Variants in RAD51AP2 observed in about 807,000 individuals in gnomAD.
RAD51AP2 encodes RAD51-associated protein 2.
Under a neutral mutation model 85.5 loss-of-function variants are expected in RAD51AP2, and 67 were observed. The ratio of observed to expected loss-of-function variants is 0.78; its 90% CI spans 0.64 to 0.96. RAD51AP2 has a LOEUF of 0.96. RAD51AP2 is among the 40% of genes least tolerant of loss of function. RAD51AP2 has a pLI of 0.00. For missense variants in RAD51AP2, 1,307 were observed against 1,332.4 expected (o/e 0.98, Z 0.30); for synonymous variants, 474 against 446.5 (o/e 1.06, Z -0.78).
At chr2:17,523,020 A>C (rs1018069875), upstream of RAD51AP2, among the ~76,000 whole-genome samples, 4 of 151,928 alleles carry the variant, frequency 2.6e-5, no homozygotes, top group Non-Finnish European at 5.9e-5. Flanking sequence ...AATCAAACTA[A>C]GTTTTTGAAT....
rs530110094 is a variant in RAD51AP2, at chr2:17,515,550, G to A, written c.2866C>T (p.Leu956=). 30 of 1,608,820 alleles carry A rather than the reference G, an allele frequency of 1.9e-5. No homozygotes were observed. In the Admixed American group the frequency reaches 3.7e-4, roughly 20 times the overall value. The change falls in exon 1 of 3, where the codon CTG becomes TTG. Residue 956 remains leucine, a synonymous_variant. Coordinates refer to ENST00000399080, the MANE Select transcript of RAD51AP2 (RefSeq NM_001099218.3). Reference sequence around the variant, plus strand: ...ATCTCAAAATCTTTTACTATTGTCAGAGCTTCTGTTGATAAATATTTAGCA... The same window carrying A: ...ATCTCAAAATCTTTTACTATTGTCAAAGCTTCTGTTGATAAATATTTAGCA... ...LAAKYLSTEA[L]TIVKDFEMKR...
In RAD51AP2 at chr2:17,517,676, T is replaced by C. The variant is rs764753858; in HGVS notation, c.740A>G (p.Lys247Arg). 1 of 1,613,546 alleles carries C rather than the reference T, an allele frequency of 6.2e-7. No individual in the cohort carries two copies. Among genetic ancestry groups the C allele is most frequent in the South Asian group, 1.1e-5 (1 of 90,804 alleles). Residue 247 changes from lysine (K) to arginine (R), a missense_variant, in exon 1 of 3, where the codon AAA becomes AGA. By Grantham distance (26) the Lys-to-Arg change is conservative (BLOSUM62 2). Transcript: ENST00000399080. ...SQNQPSLEIA[K>R]PSYFRDSGTI... ...GCCGCTATCTCTAAAATAGCTAGGTTTGGCAATTTCCAAGCTGGGCTGGTT... is the reference window on the plus strand; with the variant it reads ...GCCGCTATCTCTAAAATAGCTAGGTCTGGCAATTTCCAAGCTGGGCTGGTT...
In RAD51AP2 at chr2:17,518,153, G is replaced by C. The variant is rs577293249; in HGVS notation, c.263C>G (p.Ser88Trp). 55 of 1,614,074 alleles carry C rather than the reference G, an allele frequency of 3.4e-5. No individual in the cohort carries two copies. The South Asian group carries it at 4.3e-4, about 13-fold the overall frequency. Residue 88 changes from serine to tryptophan, a missense_variant, in exon 1 of 3, where the codon TCG becomes TGG. Around this residue, in one of 3 missense-constraint regions of RAD51AP2, gnomAD observed 635 missense variants for 643.6 expected, o/e 0.99. Transcript: ENST00000399080. ...TNAIFDNSTD[S>W]CVEKSVSGKQ... ...CCCACTGACTGATTTCTCCACACAC[G>C]AGTCTGTGGAGTTATCGAAAATAGC...
In RAD51AP2 at chr2:17,516,795, GC is replaced by G; in HGVS notation, c.1620del (p.Lys540AsnfsTer5). On this transcript the variant is annotated frameshift_variant, in exon 1 of 3. Transcript: ENST00000399080. LOFTEE classifies it high-confidence loss of function. ...LTCCNILKCK[K>X]QIGIIGIQNL... ...TTTTGAATACCAATTATACCAATTT[GC>G]TTTTTACACTTCAAAATGTTACAGC... 2 of 1,550,110 alleles carry G rather than the reference GC, an allele frequency of 1.3e-6. No individual in the cohort carries two copies. Among genetic ancestry groups the G allele is most frequent in the East Asian group, 2.3e-5 (1 of 43,988 alleles).
chr2:17,528,716 A>G, the RAD51AP2 span, among the ~76,000 whole-genome samples: 1 of 152,120 alleles, frequency 6.6e-6, no homozygotes, highest in Non-Finnish European at 1.5e-5. Context: ...GGTGGCACGC[A>G]GCTGTGGTCC....
chr2:17,533,706 G>T, the RAD51AP2 span, among the ~76,000 whole-genome samples: 1 of 152,194 alleles, frequency 6.6e-6, no homozygotes, highest in Non-Finnish European at 1.5e-5. Flanking sequence ...TTGAGGCCAG[G>T]AGTTCAAGAA....
At chr2:17,532,746 T>G in the RAD51AP2 span, among the ~76,000 whole-genome samples, 260 of 152,304 alleles carry the variant, frequency 1.7e-3, 2 homozygotes, top group South Asian at 3.3e-3. Context: ...AACACATATA[T>G]GTTCATATGC....
At chr2:17,519,566 C>T (rs143195502), upstream of RAD51AP2, among the ~76,000 whole-genome samples, 333 of 152,194 alleles carry the variant, frequency 2.2e-3, 1 homozygote, top group Middle Eastern at 3.4e-3. Context: ...ATATAACTAG[C>T]CTTCTACTTT....
At chr2:17,536,206 A>G in the RAD51AP2 span, among the ~76,000 whole-genome samples, 1 of 152,216 alleles carries the variant, frequency 6.6e-6, no homozygotes, top group African/African-American at 2.4e-5. Context: ...GCTTTAGGCA[A>G]GAAGGGTTTT....
At chr2:17,524,489 G>A in the RAD51AP2 span, among the ~76,000 whole-genome samples, 18 of 151,924 alleles carry the variant, frequency 1.2e-4, no homozygotes, top group Non-Finnish European at 5.9e-5. Flanking sequence ...GTGTCCAAAA[G>A]CTGAGTCTTA....
the RAD51AP2 span, among the ~76,000 whole-genome samples, chr2:17,531,687 C>T: frequency 6.6e-6 from 1 of 152,112 alleles, no homozygotes; most frequent in Admixed American, 6.5e-5. Flanking sequence ...ATCAGTATAC[C>T]TAATCCGATT....
At chr2:17,525,219 G>T in the RAD51AP2 span, among the ~76,000 whole-genome samples, 1 of 152,010 alleles carries the variant, frequency 6.6e-6, no homozygotes, top group East Asian at 1.9e-4. Context: ...TATCCTGAAT[G>T]TAGTATGTAT....
In RAD51AP2 at chr2:17,516,889, GA is replaced by G; in HGVS notation, c.1526del (p.Phe509SerfsTer3). 1 of 1,575,784 alleles carries G rather than the reference GA, an allele frequency of 6.3e-7. No individual in the cohort carries two copies. The highest frequency in any genetic ancestry group is 8.6e-7 in the Non-Finnish European group (1 of 1,161,610). On this transcript the variant is annotated frameshift_variant, in exon 1 of 3. Coordinates refer to ENST00000399080, the MANE Select transcript of RAD51AP2 (RefSeq NM_001099218.3). LOFTEE classifies it high-confidence loss of function. ...VFHVNNPFES[F>X]IIEIFYFHKS... ...TATGGAAATAAAAAATTTCTATAAT[GA>G]AACTTTCAAAAGGGTTGTTCACATG...
upstream of RAD51AP2, among the ~76,000 whole-genome samples, chr2:17,521,853 T>A (rs1662863719): frequency 6.6e-6 from 1 of 151,990 alleles, no homozygotes. Context: ...TCTTATATTA[T>A]CCTTAACTTT....
At chr2:17,522,491 C>T (rs1387115266), upstream of RAD51AP2, among the ~76,000 whole-genome samples, 2 of 151,788 alleles carry the variant, frequency 1.3e-5, no homozygotes, top group Admixed American at 1.3e-4. Flanking sequence ...ATTATATTTT[C>T]TGCTTACTTA....
intron 1 of RAD51AP2, among the ~76,000 whole-genome samples, chr2:17,514,708 TAC>T (rs1662596820): frequency 6.6e-6 from 1 of 152,024 alleles, no homozygotes; most frequent in South Asian, 2.1e-4. Flanking sequence ...AGGCAGAGGT[TAC>T]AGTGAGCCGA....
chr2:17,513,867 T>C (rs1355890645), intron 2 of RAD51AP2, 145 bp downstream of exon 2: 1 of 527,920 alleles, frequency 1.9e-6, no homozygotes, highest in East Asian at 3.3e-5. Context: ...TTAGAATTTA[T>C]CAGTATAATA....
chr2:17,525,837 C>A, the RAD51AP2 span, among the ~76,000 whole-genome samples: 14 of 152,014 alleles, frequency 9.2e-5, no homozygotes, highest in African/African-American at 3.4e-4. Context: ...AGAATACGGG[C>A]TGCTTGGTTA....
chr2:17,528,291 T>C, the RAD51AP2 span, among the ~76,000 whole-genome samples: 1 of 152,222 alleles, frequency 6.6e-6, no homozygotes, highest in Admixed American at 6.5e-5. Context: ...TTGATTAATA[T>C]GGTAAGTGTT....
Sources: allele counts gnomAD v4.1 joint callset (sites outside exome capture counted in the v4.1 genomes callset), GRCh38; gene constraint gnomAD v4.1.1; regional missense constraint gnomAD v4.1.1; transcripts MANE v1.5; gene names NCBI Gene and HGNC (gene_info 2026-07-23, HGNC 2026-07-21).